Variants in TRIP12 observed in about 807,000 individuals in gnomAD.
TRIP12 encodes thyroid hormone receptor interactor 12.
Under a neutral mutation model 244.2 loss-of-function variants are expected in TRIP12, and 25 were observed. That is an observed-to-expected ratio of 0.10 (90% confidence interval 0.07 to 0.14). The LOEUF (loss-of-function observed/expected upper bound fraction) is 0.14, where lower values mean the gene tolerates loss of function less well. Among genes scored for constraint, TRIP12 ranks in the 10% least tolerant of loss-of-function variants. The probability of loss-of-function intolerance (pLI) is 1.00; values close to 1 mark genes in which losing one functional copy is unlikely to be tolerated. For missense variants in TRIP12, 1,677 were observed against 2,486.4 expected (o/e 0.67, Z 6.92); for synonymous variants, 905 against 873.1 (o/e 1.04, Z -0.64).
chr2:229,873,191 G>A (rs1177708950), intron 2 of TRIP12, among the ~76,000 whole-genome samples: 2 of 151,750 alleles, frequency 1.3e-5, no homozygotes, highest in Non-Finnish European at 2.9e-5. Context: ...TGGAGATAAC[G>A]TGACTAGAAC....
chr2:229,884,911 G>A (rs2065699288), intron 1 of TRIP12, among the ~76,000 whole-genome samples: 1 of 152,112 alleles, frequency 6.6e-6, no homozygotes, highest in African/African-American at 2.4e-5. Flanking sequence ...ACGAGGCTGT[G>A]GCAGGCCGTG....
intron 6 of TRIP12, among the ~76,000 whole-genome samples, chr2:229,833,471 T>C (rs1397294143): frequency 6.6e-6 from 1 of 152,094 alleles, no homozygotes; most frequent in Non-Finnish European, 1.5e-5. Context: ...TATTTTTTTG[T>C]AGAGACAGGG....
rs116044963 is a variant in TRIP12, at chr2:229,910,715, T to A, written c.-50+11165A>T. Among the ~76,000 whole-genome samples the A allele has an allele frequency of 7.2e-3, 1,088 of 151,774 alleles. 13 individuals carry two copies. The highest frequency in any genetic ancestry group is 0.025 in the African/African-American group (1,037 of 41,394). ...ACACCAAAGGCTGAAATACCCCAAG[T>A]CTTAGTTCATAGCAGCAACTGGAAA... is the stretch of plus-strand genomic sequence containing the variant. On this transcript the variant is annotated intron_variant, in intron 1 of 41. Coordinates refer to ENST00000675903, the MANE Select transcript of TRIP12 (RefSeq NM_001348323.3).
At chr2:229,797,986 T>C (rs1254483608) in intron 23 of TRIP12, among the ~76,000 whole-genome samples, 155 bp from the exon 24 acceptor site, 1 of 152,218 alleles carries the variant, frequency 6.6e-6, no homozygotes, top group Non-Finnish European at 1.5e-5. Flanking sequence ...ACTTTCACTT[T>C]GAAAATGGGC....
intron 8 of TRIP12, among the ~76,000 whole-genome samples, chr2:229,823,963 G>C (rs2050799845): frequency 6.6e-6 from 1 of 152,036 alleles, no homozygotes; most frequent in African/African-American, 2.4e-5. Context: ...AAAAGAAACT[G>C]CAAGAAGAAA....
At chr2:229,848,580 G>C (rs548778892) in intron 4 of TRIP12, among the ~76,000 whole-genome samples, 5 of 152,094 alleles carry the variant, frequency 3.3e-5, no homozygotes, top group Non-Finnish European at 5.9e-5. Context: ...GTAAGATCAA[G>C]ACCATTTAAG....
intron 2 of TRIP12, among the ~76,000 whole-genome samples, chr2:229,867,918 G>A (rs1249288556): frequency 6.6e-6 from 1 of 152,050 alleles, no homozygotes; most frequent in Non-Finnish European, 1.5e-5. Context: ...AATTTAACAC[G>A]GGTACTACTA....
chr2:229,838,712 C>A (rs930967988), intron 5 of TRIP12, among the ~76,000 whole-genome samples: 1 of 152,062 alleles, frequency 6.6e-6, no homozygotes, highest in East Asian at 1.9e-4. Flanking sequence ...CAAAATAGGA[C>A]AAAAACTCTG....
chr2:229,836,878 G>A lies in TRIP12; in HGVS notation c.1240C>T (p.Arg414Trp), dbSNP rs200117340. The A allele has an allele frequency of 1.9e-4, 302 of 1,599,168 alleles. No homozygotes were observed. Among genetic ancestry groups the A allele is most frequent in the Non-Finnish European group, 2.4e-4 (283 of 1,175,316 alleles). Residue 414 changes from arginine (R) to tryptophan (W), a missense_variant, in exon 6 of 42, where the codon CGG becomes TGG. Coordinates refer to ENST00000675903, the MANE Select transcript of TRIP12 (RefSeq NM_001348323.3). ...GCTCCTTGGGGAGCTTCATCTGTCC[G>A]AGCAGCTGAAGAATTTACTGCCTCC... ...NQEAVNSSAARTDEAPQGAAA... is the reference protein window; with the variant it reads ...NQEAVNSSAAWTDEAPQGAAA...
chr2:229,795,659 T>C (rs1191715111), intron 25 of TRIP12, among the ~76,000 whole-genome samples: 2 of 152,246 alleles, frequency 1.3e-5, no homozygotes, highest in Non-Finnish European at 2.9e-5. Context: ...ATTCATGTTA[T>C]GCTATAAAAA....
intron 8 of TRIP12, among the ~76,000 whole-genome samples, chr2:229,824,722 T>C (rs1324118367): frequency 6.6e-6 from 1 of 152,206 alleles, no homozygotes; most frequent in Admixed American, 6.5e-5. Flanking sequence ...TTGCTACTCT[T>C]AACTGAGAAA....
intron 4 of TRIP12, among the ~76,000 whole-genome samples, chr2:229,852,528 T>G (rs1258833282): frequency 2.0e-5 from 3 of 152,292 alleles, no homozygotes; most frequent in African/African-American, 7.2e-5. Context: ...TGTATAAAAT[T>G]TGCAAAAATG....
chr2:229,831,103 G>A, intron 6 of TRIP12: 1 of 711,226 alleles, frequency 1.4e-6, no homozygotes. Flanking sequence ...AATTTCTTGT[G>A]CCGTTGAAAC....
intron 2 of TRIP12, among the ~76,000 whole-genome samples, chr2:229,863,572 G>A (rs2154339376): frequency 6.6e-6 from 1 of 152,288 alleles, no homozygotes; most frequent in African/African-American, 2.4e-5. Context: ...ATGCGCTATA[G>A]TTTTCAACCC....
At chr2:229,815,668 C>T (rs981685772) in intron 9 of TRIP12, among the ~76,000 whole-genome samples, 1 of 151,712 alleles carries the variant, frequency 6.6e-6, no homozygotes, top group African/African-American at 2.4e-5. Flanking sequence ...ATACTAGATA[C>T]ATAAATAAAC....
chr2:229,836,117 G>C (rs2054752356), intron 6 of TRIP12, among the ~76,000 whole-genome samples: 1 of 152,140 alleles, frequency 6.6e-6, no homozygotes, highest in African/African-American at 2.4e-5. Context: ...TATCCTAATA[G>C]TAAACAATAG....
At chr2:229,872,773 T>C (rs1225304317) in intron 2 of TRIP12, among the ~76,000 whole-genome samples, 2 of 152,214 alleles carry the variant, frequency 1.3e-5, no homozygotes, top group South Asian at 2.1e-4. Context: ...TAAGTATCCC[T>C]ATAAACTTAC....
intron 33 of TRIP12, among the ~76,000 whole-genome samples, chr2:229,786,138 T>G (rs1385540567): frequency 6.6e-6 from 1 of 152,188 alleles, no homozygotes; most frequent in Non-Finnish European, 1.5e-5. Flanking sequence ...AAAAATCGTC[T>G]TTGCCAAATA....
chr2:229,764,674 A>C lies in TRIP12; in HGVS notation c.*2880T>G, dbSNP rs920311330. On this transcript the variant is annotated 3_prime_UTR_variant, in exon 42 of 42. Coordinates refer to ENST00000675903, the MANE Select transcript of TRIP12 (RefSeq NM_001348323.3). ...GTGGAAAATCAAGAGTTGTGGATCTAATTTCTTGGATACTGAAGTTGGTGC... is the reference window on the plus strand; with the variant it reads ...GTGGAAAATCAAGAGTTGTGGATCTCATTTCTTGGATACTGAAGTTGGTGC... 6.6e-6 allele frequency: 1 copy of C among 152,206 alleles called. No individual in the cohort carries two copies. Among genetic ancestry groups the C allele is most frequent in the African/African-American group, 2.4e-5 (1 of 41,440 alleles). 9.4% of individuals were successfully genotyped at this position (152,206 alleles called of 1,614,324 possible). A position where few individuals can be genotyped will look rare whatever the true frequency, so the allele number is the denominator to read the frequency against.
Sources: allele counts gnomAD v4.1 joint callset (sites outside exome capture counted in the v4.1 genomes callset), GRCh38; gene constraint gnomAD v4.1.1; transcripts MANE v1.5; gene names NCBI Gene and HGNC (gene_info 2026-07-23, HGNC 2026-07-21).